The following PBRM1 variants were observed in gnomAD, a reference collection of about 807,000 sequenced individuals.
PBRM1 encodes the protein polybromo 1, also known as protein polybromo-1.
A neutral mutation model predicts 194.5 loss-of-function variants in PBRM1; 27 were observed. That is an observed-to-expected ratio of 0.14 (90% CI 0.10 to 0.19). The LOEUF (loss-of-function observed/expected upper bound fraction) is 0.19, where lower values mean the gene tolerates loss of function less well. PBRM1 is among the 10% of genes least tolerant of loss of function. The pLI is 1.00. For missense variants in PBRM1, 1,466 were observed against 2,077.2 expected (o/e 0.71, Z 5.72); for synonymous variants, 655 against 693.2 (o/e 0.94, Z 0.87).
At chr3:52,661,912 T>C (rs1000783861) in intron 4 of PBRM1, among the ~76,000 whole-genome samples, 11 of 152,178 alleles carry the variant, frequency 7.2e-5, no homozygotes, top group Admixed American at 7.2e-4. Context: ...GTAAGTACAA[T>C]TCATGAAAAT....
At chr3:52,584,450 C>CTTTTTTTTTTTTTTTTTTTTT (rs397989611) in intron 20 of PBRM1, among the ~76,000 whole-genome samples, 7 of 60,750 alleles carry the variant, frequency 1.2e-4, no homozygotes, top group African/African-American at 3.1e-4. Flanking sequence ...AGTATTCTTG[C>CTTTTTTTTTTTTTTTTTTTTT]TTTTTTTTTT....
At chr3:52,561,471 T>C (rs1490794914) in intron 25 of PBRM1, among the ~76,000 whole-genome samples, 1 of 152,240 alleles carries the variant, frequency 6.6e-6, no homozygotes, top group Non-Finnish European at 1.5e-5. Context: ...GCTCAACATG[T>C]GTGCTTACAG....
At chr3:52,595,975 TCTC>T (rs2093496536) in intron 17 of PBRM1, among the ~76,000 whole-genome samples, 1 of 152,184 alleles carries the variant, frequency 6.6e-6, no homozygotes, top group South Asian at 2.1e-4. Context: ...GTTTCTGGGT[TCTC>T]TACTCTTTTC....
At chr3:52,590,652 T>C (rs1483062268) in intron 17 of PBRM1, among the ~76,000 whole-genome samples, 1 of 151,412 alleles carries the variant, frequency 6.6e-6, no homozygotes, top group African/African-American at 2.5e-5. Context: ...TTTCTTTTTT[T>C]AGACAGTCTC....
chr3:52,555,158 T>C (rs544248208), intron 26 of PBRM1, among the ~76,000 whole-genome samples: 3 of 152,316 alleles, frequency 2.0e-5, no homozygotes, highest in African/African-American at 7.2e-5. Context: ...TAAATAATAG[T>C]AAAGAGTTCT....
Position 52,591,511 on chromosome 3 carries a change from G to GTTTT in PBRM1, c.2780-2260_2780-2257dup, listed in dbSNP as rs57736913. 3.2e-3 allele frequency among the ~76,000 whole-genome samples: 232 copies of GTTTT among 71,858 alleles called. 2 individuals carry two copies. Among genetic ancestry groups the GTTTT allele is most frequent in the Middle Eastern group, 0.032 (2 of 62 alleles). The allele number at this position is 71,858 out of a possible 152,430, so 47.1% of individuals were successfully genotyped here. On this transcript the variant is annotated intron_variant, in intron 17 of 29. Transcript: ENST00000296302. ...TTGAGATAATGTAGTTTTTGTCTTT[G>GTTTT]TTTTTTTTTTTTTTTTTTTTTTTTT...
chr3:52,674,643 A>AAAAT (rs1193129880), intron 2 of PBRM1, among the ~76,000 whole-genome samples: 20 of 72,392 alleles, frequency 2.8e-4, no homozygotes, highest in African/African-American at 7.7e-4. Context: ...AAAAAAAAAA[A>AAAAT]ATATATATAT....
At chr3:52,591,511 G>GTTTTTTTTTTTTTTTTTTTTTTTTTT (rs57736913) in intron 17 of PBRM1, among the ~76,000 whole-genome samples, 1 of 71,842 alleles carries the variant, frequency 1.4e-5, no homozygotes, top group Non-Finnish European at 2.5e-5. Context: ...TTTTGTCTTT[G>GTTTTTTTTTTTTTTTTTTTTTTTTTT]TTTTTTTTTT....
intron 9 of PBRM1, among the ~76,000 whole-genome samples, 183 bp downstream of exon 10, chr3:52,643,065 G>A (rs184108849): frequency 1.3e-4 from 20 of 152,318 alleles, no homozygotes; most frequent in Non-Finnish European, 2.2e-4. Context: ...TGGGATTACA[G>A]GCGTGAGCCA....
intron 23 of PBRM1, 58 bp downstream of exon 25, chr3:52,563,992 C>T: frequency 9.1e-7 from 1 of 1,100,896 alleles, no homozygotes; most frequent in South Asian, 1.4e-5. Flanking sequence ...CTGGACTACA[C>T]TATGTTGCTA....
chr3:52,658,279 G>C, exon 5 of PBRM1: 1 of 1,612,356 alleles, frequency 6.2e-7, no homozygotes, highest in Non-Finnish European at 8.5e-7. Context: ...GCTTCAAGAA[G>C]CTGCTCCAGG....
intron 6 of PBRM1, 32 bp downstream of exon 7, chr3:52,651,710 C>G: frequency 7.3e-7 from 1 of 1,365,296 alleles, no homozygotes; most frequent in Admixed American, 2.0e-5. Flanking sequence ...CTGCTCTAAA[C>G]CACAATCATT....
intron 5 of PBRM1, among the ~76,000 whole-genome samples, chr3:52,657,257 G>C (rs1238027207): frequency 6.6e-6 from 1 of 152,058 alleles, no homozygotes; most frequent in Non-Finnish European, 1.5e-5. Context: ...TAATGCCACA[G>C]AACTGTACAC....
chr3:52,660,375 TAAAG>T (rs879459437), intron 4 of PBRM1, among the ~76,000 whole-genome samples: 1 of 152,076 alleles, frequency 6.6e-6, no homozygotes, highest in Admixed American at 6.6e-5. Flanking sequence ...CTTAACTACT[TAAAG>T]AAACTGACAA....
At chr3:52,583,605 G>C (rs947177050) in intron 20 of PBRM1, among the ~76,000 whole-genome samples, 1 of 151,792 alleles carries the variant, frequency 6.6e-6, no homozygotes, top group South Asian at 2.1e-4. Flanking sequence ...CATTTTTGTA[G>C]TCCTACTTTC....
At chr3:52,661,775 T>TAA (rs2096730140) in intron 4 of PBRM1, among the ~76,000 whole-genome samples, 1 of 152,216 alleles carries the variant, frequency 6.6e-6, no homozygotes, top group Non-Finnish European at 1.5e-5. Flanking sequence ...CTCACTAAGG[T>TAA]GATTACATTC....
rs368666899 is a variant in PBRM1 at position 52,648,053 on chromosome 3, C to T, written c.813+291G>A. 6.6e-5 allele frequency among the ~76,000 whole-genome samples: 10 copies of T among 152,066 alleles called. No individual in the cohort carries two copies. The East Asian group carries it at 1.2e-3, about 18-fold the overall frequency. ...CCTCCCGATTGGCTGGGATTACAGGCGCCTGCCACCACGCCCAGCTAATTT... is the reference window on the plus strand; with the variant it reads ...CCTCCCGATTGGCTGGGATTACAGGTGCCTGCCACCACGCCCAGCTAATTT... On this transcript the variant is annotated intron_variant, in intron 7 of 29. Transcript: ENST00000296302.
At chr3:52,676,133 AAAAAAAAAAAAAAAAAAAAT>A (rs1248307743) in intron 2 of PBRM1, among the ~76,000 whole-genome samples, 1,675 of 35,560 alleles carry the variant, frequency 0.047, 456 homozygotes, top group African/African-American at 0.19. Context: ...AAAAAAAAAA[AAAAAAAAAAAAAAAAAAAAT>A]AATGAATGAA....
chr3:52,629,336 GA>G (rs1284095680), intron 11 of PBRM1, among the ~76,000 whole-genome samples: 2 of 152,096 alleles, frequency 1.3e-5, no homozygotes, highest in Non-Finnish European at 1.5e-5. Context: ...ATTCTACTTG[GA>G]AAAAACCCTA....
Sources: allele counts gnomAD v4.1 joint callset (sites outside exome capture counted in the v4.1 genomes callset), GRCh38; gene constraint gnomAD v4.1.1; transcripts MANE v1.5; gene names NCBI Gene and HGNC (gene_info 2026-07-23, HGNC 2026-07-21).